Variants in FZD8 observed in about 807,000 individuals in gnomAD.
FZD8 encodes frizzled-8.
Under a neutral mutation model 46.0 loss-of-function variants are expected in FZD8, and 18 were observed. The observed-to-expected ratio is 0.39, with a 90% CI of 0.27 to 0.58. The LOEUF (loss-of-function observed/expected upper bound fraction) is 0.58, where lower values mean the gene tolerates loss of function less well. Among genes scored for constraint, FZD8 ranks in the 20% least tolerant of loss-of-function variants. The pLI, the probability that FZD8 is intolerant of heterozygous loss-of-function variation, is 0.55. For synonymous variants in FZD8, 586 were observed against 467.9 expected (o/e 1.25, Z -3.26); for missense variants, 785 against 983.4 (o/e 0.80, Z 2.70).
rs1220689768 is a variant in FZD8, at chr10:35,641,526, G to A, written c.-97C>T. On this transcript the variant is annotated 5_prime_UTR_variant, in exon 1 of 1. Transcript: ENST00000374694. This position sits in a 1 kb window ranked among gnomAD's most constrained non-coding sequence, Gnocchi z 6.3. Reference sequence around the variant, plus strand: ...AGAGAGCCGCAGACGGGTACAGCGGGTGATCTGGGGTCTCCCTTATGCTTC... The same window carrying A: ...AGAGAGCCGCAGACGGGTACAGCGGATGATCTGGGGTCTCCCTTATGCTTC... 1.8e-5 allele frequency: 26 copies of A among 1,446,452 alleles called. No individual in the cohort carries two copies. The South Asian group carries it at 2.7e-4, about 15-fold the overall frequency. 89.6% of individuals were successfully genotyped at this position (1,446,452 alleles called of 1,614,324 possible).
chr10:35,640,583 G>A lies in FZD8; in HGVS notation c.847C>T (p.Leu283=). The A allele has an allele frequency of 3.8e-6, 6 of 1,588,020 alleles. No individual in the cohort carries two copies. The highest frequency in any genetic ancestry group is 5.1e-6 in the Non-Finnish European group (6 of 1,165,220). ...GACACGAAGCAGAGCACCGACCACAGGCCGATCCAGAAGACGGTGAAGGCG... is the reference window on the plus strand; with the variant it reads ...GACACGAAGCAGAGCACCGACCACAAGCCGATCCAGAAGACGGTGAAGGCG... The part of the protein sequence containing the change: ...ERAFTVFWIG[L]WSVLCFVSTF... The change falls in exon 1 of 1, where the codon CTG becomes TTG. Residue 283 remains leucine, a synonymous_variant. Transcript: ENST00000374694.
chr10:35,641,530 T>C lies in FZD8; in HGVS notation c.-101A>G, dbSNP rs1278929954. ...AGCCGCAGACGGGTACAGCGGGTGA[T>C]CTGGGGTCTCCCTTATGCTTCGCCC... On this transcript the variant is annotated 5_prime_UTR_variant, in exon 1 of 1. Transcript: ENST00000374694. The surrounding 1 kb of genome is among the most constrained non-coding windows in gnomAD (Gnocchi z 6.3). The C allele has an allele frequency of 1.7e-5, 24 of 1,438,744 alleles. 1 individual carries two copies. In the African/African-American group the frequency reaches 1.7e-4, roughly 10 times the overall value. The allele number at this position is 1,438,744 out of a possible 1,614,324, so 89.1% of individuals were successfully genotyped here. A position where few individuals can be genotyped will look rare whatever the true frequency, so the allele number is the denominator to read the frequency against.
chr10:35,641,707 T>G lies in FZD8; in HGVS notation c.-278A>C. The G allele has an allele frequency of 2.9e-6, 1 of 339,472 alleles. No individual in the cohort carries two copies. Among genetic ancestry groups the G allele is most frequent in the Non-Finnish European group, 5.3e-6 (1 of 187,638 alleles). 21.0% of individuals were successfully genotyped at this position (339,472 alleles called of 1,614,324 possible). A position where few individuals can be genotyped will look rare whatever the true frequency, so the allele number is the denominator to read the frequency against. ...CGCGCGCCACAGTCCGTAGGTCCGCTCTGCTGGCCCCGGGTCGCGCTCAGC... is the reference window on the plus strand; with the variant it reads ...CGCGCGCCACAGTCCGTAGGTCCGCGCTGCTGGCCCCGGGTCGCGCTCAGC... On this transcript the variant is annotated 5_prime_UTR_variant, in exon 1 of 1. Transcript: ENST00000374694. The surrounding 1 kb of genome is among the most constrained non-coding windows in gnomAD (Gnocchi z 6.3).
In FZD8 at chr10:35,639,921, G is replaced by C. The variant is rs757002438; in HGVS notation, c.1509C>G (p.Gly503=). ...LFIGTMFLLA[G]FVSLFRIRSV... Reference sequence around the variant, plus strand: ...AGCGGATGCGGAAGAGGGACACGAAGCCGGCCAGCAGGAACATGGTGCCGA... The same window carrying C: ...AGCGGATGCGGAAGAGGGACACGAACCCGGCCAGCAGGAACATGGTGCCGA... Residue 503 remains glycine (G), a synonymous_variant, in exon 1 of 1, where the codon GGC becomes GGG. Transcript: ENST00000374694. The C allele has an allele frequency of 8.7e-6, 14 of 1,612,936 alleles. No homozygotes were observed. The Admixed American group carries it at 1.3e-4, about 15-fold the overall frequency.
rs143257882 is a variant in FZD8 at position 35,639,774 on chromosome 10, G to A, written c.1656C>T (p.Phe552=). Residue 552 remains phenylalanine, a synonymous_variant, in exon 1 of 1, where the codon TTC becomes TTT. Coordinates refer to ENST00000374694, the MANE Select transcript of FZD8 (RefSeq NM_031866.3). ...VPAAVVVACL[F]YEQHNRPRWE... The stretch of plus-strand genomic sequence containing the variant: ...AGCGCGGGCGGTTGTGCTGCTCGTA[G>A]AAGAGGCAGGCGACCACCACCGCGG... 3.3e-4 allele frequency: 534 copies of A among 1,601,284 alleles called. No individual in the cohort carries two copies. Among genetic ancestry groups the A allele is most frequent in the Non-Finnish European group, 4.3e-4 (506 of 1,179,830 alleles).
rs769475506 is a variant in FZD8, at chr10:35,639,576, G to T, written c.1854C>A (p.Thr618=). 5 of 1,584,698 alleles carry T rather than the reference G, an allele frequency of 3.2e-6. No individual in the cohort carries two copies. In the Admixed American group the frequency reaches 8.5e-5, roughly 27 times the overall value. The change falls in exon 1 of 1, where the codon ACC becomes ACA. Residue 618 remains threonine (T), a synonymous_variant. Coordinates refer to ENST00000374694, the MANE Select transcript of FZD8 (RefSeq NM_031866.3). The stretch of plus-strand genomic sequence containing the variant: ...CGCCCTTGCTGGCCCAGCAGCAGCG[G>T]GTGCACAGGGAGCGCCAGGACTCCA... ...KTLESWRSLC[T]RCCWASKGAA...
rs1370875576 is a variant in FZD8, at chr10:35,641,513, A to G, written c.-84T>C. On this transcript the variant is annotated 5_prime_UTR_variant, in exon 1 of 1. Coordinates refer to ENST00000374694, the MANE Select transcript of FZD8 (RefSeq NM_031866.3). This position sits in a 1 kb window ranked among gnomAD's most constrained non-coding sequence, Gnocchi z 6.3. Reference sequence around the variant, plus strand: ...GGGGGGGCCCACGAGAGAGCCGCAGACGGGTACAGCGGGTGATCTGGGGTC... The same window carrying G: ...GGGGGGGCCCACGAGAGAGCCGCAGGCGGGTACAGCGGGTGATCTGGGGTC... The G allele has an allele frequency of 1.9e-4, 286 of 1,478,050 alleles. No homozygotes were observed. Among genetic ancestry groups the G allele is most frequent in the Non-Finnish European group, 2.5e-4 (285 of 1,120,356 alleles). The allele number at this position is 1,478,050 out of a possible 1,614,324, so 91.6% of individuals were successfully genotyped here.
rs925650874 is a variant in FZD8, at chr10:35,640,889, C to T, written c.541G>A (p.Gly181Ser). 1.9e-6 allele frequency: 2 copies of T among 1,029,000 alleles called. No individual in the cohort carries two copies. The highest frequency in any genetic ancestry group is 1.2e-4 in the Admixed American group (2 of 16,854). The allele number at this position is 1,029,000 out of a possible 1,614,324, so 63.7% of individuals were successfully genotyped here. A position where few individuals can be genotyped will look rare whatever the true frequency, so the allele number is the denominator to read the frequency against. ...PPGEQPPSGS[G>S]HGRPPGARPP... is the part of the protein sequence containing the mutation. The stretch of plus-strand genomic sequence containing the variant: ...CTGGCCCCCGGCGGGCGGCCGTGGC[C>T]GCTGCCCGAAGGCGGCTGCTCGCCG... The change falls in exon 1 of 1, where the codon GGC (glycine) becomes AGC (serine). Residue 181 changes from glycine (G) to serine (S), a missense_variant. Physicochemically the swap from Gly to Ser is moderately conservative, Grantham distance 56 (BLOSUM62 0). Transcript: ENST00000374694.
At position 35,640,801 on chromosome 10, in the gene FZD8, C is replaced by A; in HGVS notation, c.629G>T (p.Arg210Leu). ...GGGDAAAPPA[R>L]GGGGGGKARP... ...CGCCTTCCCGCCACCGCCGCCGCCGCGAGCTGGGGGCGCCGCCGCGTCCCC... is the reference window on the plus strand; with the variant it reads ...CGCCTTCCCGCCACCGCCGCCGCCGAGAGCTGGGGGCGCCGCCGCGTCCCC... Residue 210 changes from arginine (R) to leucine (L), a missense_variant, in exon 1 of 1, where the codon CGC becomes CTC. Physicochemically the swap from Arg to Leu is moderately radical, Grantham distance 102. Coordinates refer to ENST00000374694, the MANE Select transcript of FZD8 (RefSeq NM_031866.3). 9 of 1,046,204 alleles carry A rather than the reference C, an allele frequency of 8.6e-6. No individual in the cohort carries two copies. The highest frequency in any genetic ancestry group is 7.0e-5 in the East Asian group (1 of 14,294). 64.8% of individuals were successfully genotyped at this position (1,046,204 alleles called of 1,614,324 possible).
rs747280151 is a variant in FZD8, at chr10:35,639,372, T to C, written c.2058A>G (p.Pro686=). 10 of 1,484,844 alleles carry C rather than the reference T, an allele frequency of 6.7e-6. No homozygotes were observed. In the African/African-American group the frequency reaches 7.2e-5, roughly 11 times the overall value. 92.0% of individuals were successfully genotyped at this position (1,484,844 alleles called of 1,614,324 possible). The change falls in exon 1 of 1, where the codon CCA becomes CCG. Residue 686 remains proline (P), a synonymous_variant. Transcript: ENST00000374694. Reference sequence around the variant, plus strand: ...AGACCTGGGACAATGGCATCTGCTTTGGATAAGACACGGAGCTCGCCGTGC... The same window carrying C: ...AGACCTGGGACAATGGCATCTGCTTCGGATAAGACACGGAGCTCGCCGTGC... ...RSGTASSVSY[P]KQMPLSQV
At position 35,640,378 on chromosome 10, in the gene FZD8, C is replaced by A; in HGVS notation, c.1052G>T (p.Gly351Val). 1.9e-6 allele frequency: 2 copies of A among 1,043,788 alleles called. No homozygotes were observed. Among genetic ancestry groups the A allele is most frequent in the Non-Finnish European group, 2.3e-6 (2 of 857,760 alleles). 64.7% of individuals were successfully genotyped at this position (1,043,788 alleles called of 1,614,324 possible). ...GCCCGCCGCCGCGCCGCCCGCGCCC[C>A]CAGCGCCCCCCGCGCCCGGCGCGCC... ...SGGAPGAGGA[G>V]GAGGAAAGAG... is the part of the protein sequence containing the mutation. The change falls in exon 1 of 1, where the codon GGG (glycine) becomes GTG (valine). Residue 351 changes from glycine (G) to valine (V), a missense_variant. This residue lies in a region of FZD8 where 88 missense variants were observed against 83.6 expected (regional missense o/e 1.05). Transcript: ENST00000374694.
chr10:35,641,316 G>A lies in FZD8; in HGVS notation c.114C>T (p.Ile38=), dbSNP rs750941001. 1 of 1,613,852 alleles carries A rather than the reference G, an allele frequency of 6.2e-7. No individual in the cohort carries two copies. The highest frequency in any genetic ancestry group is 8.5e-7 in the Non-Finnish European group (1 of 1,179,922). ...CGATGCCCTTACACAGCGGCACGGT[G>A]ATCTCTTGGCATGCCAGCTCCTTGG... is the stretch of plus-strand genomic sequence containing the variant. ...ASAKELACQE[I]TVPLCKGIGY... The change falls in exon 1 of 1, where the codon ATC becomes ATT. Residue 38 remains isoleucine, a synonymous_variant. Coordinates refer to ENST00000374694, the MANE Select transcript of FZD8 (RefSeq NM_031866.3). This position sits in a 1 kb window ranked among gnomAD's most constrained non-coding sequence, Gnocchi z 6.3.
rs757092983 is a variant in FZD8 at position 35,639,338 on chromosome 10, C to T, written c.*7G>A. The T allele has an allele frequency of 3.5e-6, 5 of 1,415,310 alleles. No individual in the cohort carries two copies. The African/African-American group carries it at 6.0e-5, about 17-fold the overall frequency. The allele number at this position is 1,415,310 out of a possible 1,614,324, so 87.7% of individuals were successfully genotyped here. ...CCCACCCCTCCTGGGCGCCCCCTCCCCTCCGCTCAGACCTGGGACAATGGC... is the reference window on the plus strand; with the variant it reads ...CCCACCCCTCCTGGGCGCCCCCTCCTCTCCGCTCAGACCTGGGACAATGGC... On this transcript the variant is annotated 3_prime_UTR_variant, in exon 1 of 1. Transcript: ENST00000374694.
At position 35,639,304 on chromosome 10, in the gene FZD8, G is replaced by A; in HGVS notation, c.*41C>T. The A allele has an allele frequency of 2.4e-6, 2 of 826,702 alleles. No individual in the cohort carries two copies. The highest frequency in any genetic ancestry group is 3.5e-6 in the Non-Finnish European group (2 of 565,360). The allele number at this position is 826,702 out of a possible 1,614,324, so 51.2% of individuals were successfully genotyped here. A position where few individuals can be genotyped will look rare whatever the true frequency, so the allele number is the denominator to read the frequency against. On this transcript the variant is annotated 3_prime_UTR_variant, in exon 1 of 1. Transcript: ENST00000374694. ...CCCTTCGCTGCACTTGGCTCTCCTC[G>A]CCCCCCTCCCCACCCCTCCTGGGCG... is the stretch of plus-strand genomic sequence containing the variant.
Position 35,640,384 on chromosome 10 carries a change from C to T in FZD8, c.1046G>A (p.Gly349Asp), listed in dbSNP as rs1180505502. The change falls in exon 1 of 1, where the codon GGC (glycine) becomes GAC (aspartate). Residue 349 changes from glycine (G) to aspartate (D), a missense_variant. Physicochemically the swap from Gly to Asp is moderately conservative, Grantham distance 94 (BLOSUM62 -1). Around this residue, in one of 5 missense-constraint regions of FZD8, gnomAD observed 88 missense variants for 83.6 expected, o/e 1.05. Transcript: ENST00000374694. ...CGCCGCGCCGCCCGCGCCCCCAGCGCCCCCCGCGCCCGGCGCGCCACCGCT... is the reference window on the plus strand; with the variant it reads ...CGCCGCGCCGCCCGCGCCCCCAGCGTCCCCCGCGCCCGGCGCGCCACCGCT... ...ACSGGAPGAGGAGGAGGAAAG... is the reference protein window; with the variant it reads ...ACSGGAPGAGDAGGAGGAAAG... 12 of 1,092,720 alleles carry T rather than the reference C, an allele frequency of 1.1e-5. No individual in the cohort carries two copies. The highest frequency in any genetic ancestry group is 1.4e-5 in the Non-Finnish European group (12 of 883,378). The allele number at this position is 1,092,720 out of a possible 1,614,324, so 67.7% of individuals were successfully genotyped here.
Position 35,640,999 on chromosome 10 carries a change from G to A in FZD8, c.431C>T (p.Pro144Leu). ...RCDRLPEQGN[P>L]DTLCMDYNRT... ...GTTGTAGTCCATGCACAGCGTGTCA[G>A]GGTTGCCTTGCTCGGGCAGCCGGTC... Residue 144 changes from proline (P) to leucine (L), a missense_variant, in exon 1 of 1, where the codon CCT (proline) becomes CTT (leucine). This residue lies in a region of FZD8 where 354 missense variants were observed against 433.2 expected (regional missense o/e 0.82). Transcript: ENST00000374694. The A allele has an allele frequency of 6.2e-7, 1 of 1,604,748 alleles. No homozygotes were observed.
chr10:35,641,493 G>GA lies in FZD8; in HGVS notation c.-65_-64insT, dbSNP rs572546710. 3 of 1,507,604 alleles carry GA rather than the reference G, an allele frequency of 2.0e-6. No homozygotes were observed. The highest frequency in any genetic ancestry group is 4.2e-5 in the Admixed American group (2 of 47,652). 93.4% of individuals were successfully genotyped at this position (1,507,604 alleles called of 1,614,324 possible). A position where few individuals can be genotyped will look rare whatever the true frequency, so the allele number is the denominator to read the frequency against. On this transcript the variant is annotated 5_prime_UTR_variant, in exon 1 of 1. Coordinates refer to ENST00000374694, the MANE Select transcript of FZD8 (RefSeq NM_031866.3). The surrounding 1 kb of genome is among the most constrained non-coding windows in gnomAD (Gnocchi z 6.3). ...GCGCGCAGAGGGGTGCCGGGGGGGG[G>GA]GCCCACGAGAGAGCCGCAGACGGGT...
At position 35,639,525 on chromosome 10, in the gene FZD8, G is replaced by A; in HGVS notation, c.1905C>T (p.Ala635=). The change falls in exon 1 of 1, where the codon GCC becomes GCT. Residue 635 remains alanine, a synonymous_variant. Coordinates refer to ENST00000374694, the MANE Select transcript of FZD8 (RefSeq NM_031866.3). ...KGAAVGGGAG[A]TAAGGGGGPG... Reference sequence around the variant, plus strand: ...GCCCGCCGCCACCCCCCGCGGCCGTGGCGCCCGCGCCCCCGCCCACCGCGG... The same window carrying A: ...GCCCGCCGCCACCCCCCGCGGCCGTAGCGCCCGCGCCCCCGCCCACCGCGG... 1.7e-6 allele frequency: 2 copies of A among 1,210,446 alleles called. No homozygotes were observed. Among genetic ancestry groups the A allele is most frequent in the South Asian group, 6.5e-5 (2 of 30,632 alleles). 75.0% of individuals were successfully genotyped at this position (1,210,446 alleles called of 1,614,324 possible). A position where few individuals can be genotyped will look rare whatever the true frequency, so the allele number is the denominator to read the frequency against.
rs1349957817 is a variant in FZD8, at chr10:35,638,808, T to G, written c.*537A>C. 6.6e-6 allele frequency: 1 copy of G among 152,474 alleles called. No homozygotes were observed. Among genetic ancestry groups the G allele is most frequent in the Admixed American group, 6.5e-5 (1 of 15,268 alleles). 9.4% of individuals were successfully genotyped at this position (152,474 alleles called of 1,614,324 possible). ...CTAATGTAAGAAACCCGTATTTACG[T>G]GGGGTGTATAATTAAGACATTTCTT... On this transcript the variant is annotated 3_prime_UTR_variant, in exon 1 of 1. Coordinates refer to ENST00000374694, the MANE Select transcript of FZD8 (RefSeq NM_031866.3).
Sources: gnomAD v4.1 joint callset for allele counts on GRCh38, gnomAD v4.1.1 for gene constraint, gnomAD v4.1.1 regional missense constraint, Gnocchi (gnomAD v3.1) non-coding constraint, MANE v1.5 for transcripts, NCBI Gene and HGNC (gene_info 2026-07-23, HGNC 2026-07-21) for gene names.